The following TMTC1 variants were observed in gnomAD, a reference collection of about 807,000 sequenced individuals.
TMTC1 encodes the protein transmembrane O-mannosyltransferase targeting cadherins 1.
TMTC1 carries 73 observed loss-of-function variants against 104.8 expected under a neutral mutation model. That is an observed-to-expected ratio of 0.70 (90% confidence interval 0.58 to 0.85). The LOEUF is 0.85. Among genes scored for constraint, TMTC1 ranks in the 40% least tolerant of loss-of-function variants. The pLI, the probability that TMTC1 is intolerant of heterozygous loss-of-function variation, is 0.00. For synonymous variants in TMTC1, 434 were observed against 428.7 expected, an observed-to-expected ratio of 1.01 and a Z score of -0.15; for missense variants, 1,035 against 1,096.1, an observed-to-expected ratio of 0.94 and a Z score of 0.79.
rs114638306 is a variant in TMTC1 at position 29,697,356 on chromosome 12, A to G, written c.938+54310T>C. Among the ~76,000 whole-genome samples the G allele has an allele frequency of 3.6e-3, 549 of 152,318 alleles. 5 individuals carry two copies. Among genetic ancestry groups the G allele is most frequent in the African/African-American group, 0.013 (533 of 41,566 alleles). Reference sequence around the variant, plus strand: ...GCTTCTTTCTTCATTCCCGGTGTCTACTATGATAACCTCTCACAACTCAGA... The same window carrying G: ...GCTTCTTTCTTCATTCCCGGTGTCTGCTATGATAACCTCTCACAACTCAGA... On this transcript the variant is annotated intron_variant, in intron 5 of 17. Transcript: ENST00000539277.
intron 11 of TMTC1, chr12:29,533,458 T>G (rs922715369): frequency 3.3e-5 from 5 of 152,150 alleles, no homozygotes; most frequent in African/African-American, 1.2e-4. Flanking sequence ...CAGCCTTACA[T>G]CAGGGGAAGG....
At chr12:29,755,657 T>G in intron 4 of TMTC1, 52 bp downstream of exon 4, 1 of 1,438,632 alleles carries the variant, frequency 7.0e-7, no homozygotes. Context: ...ATTAAGTAAT[T>G]TTTCTCTGCC....
At chr12:29,638,196 C>T (rs1938651596) in intron 5 of TMTC1, among the ~76,000 whole-genome samples, 1 of 152,096 alleles carries the variant, frequency 6.6e-6, no homozygotes, top group South Asian at 2.1e-4. Flanking sequence ...CCCCTCTGGC[C>T]CACCATGACC....
chr12:29,708,023 C>T (rs1269842787), intron 5 of TMTC1, among the ~76,000 whole-genome samples: 2 of 152,182 alleles, frequency 1.3e-5, no homozygotes, highest in Non-Finnish European at 2.9e-5. Flanking sequence ...TCTGAGGAGA[C>T]ACAAGATGTC....
At chr12:29,731,441 A>G (rs1942543278) in intron 5 of TMTC1, among the ~76,000 whole-genome samples, 1 of 152,202 alleles carries the variant, frequency 6.6e-6, no homozygotes, top group South Asian at 2.1e-4. Context: ...TATGCCCACA[A>G]TGCACGGCCG....
chr12:29,752,082 G>C (rs1450525934), intron 4 of TMTC1, among the ~76,000 whole-genome samples: 1 of 151,428 alleles, frequency 6.6e-6, no homozygotes, highest in Non-Finnish European at 1.5e-5. Context: ...TTATCGTATT[G>C]ACCTAGTATA....
chr12:29,525,158 C>CTTTT (rs56395403), intron 11 of TMTC1, among the ~76,000 whole-genome samples: 1 of 46,132 alleles, frequency 2.2e-5, no homozygotes, highest in East Asian at 7.1e-4. Context: ...CAAGGGCAGT[C>CTTTT]TTTTTTTTTT....
chr12:29,627,121 A>C (rs1938041681), intron 6 of TMTC1, among the ~76,000 whole-genome samples: 1 of 152,176 alleles, frequency 6.6e-6, no homozygotes, highest in South Asian at 2.1e-4. Flanking sequence ...AAAAAATAAA[A>C]AATAAAAACT....
chr12:29,658,557 C>A, intron 5 of TMTC1: 1 of 174,640 alleles, frequency 5.7e-6, no homozygotes, highest in East Asian at 1.6e-4. Flanking sequence ...GAATCTTGCC[C>A]TGAACTTGTT....
intron 6 of TMTC1, among the ~76,000 whole-genome samples, chr12:29,616,033 T>A (rs2136442997): frequency 6.6e-6 from 1 of 152,294 alleles, no homozygotes; most frequent in South Asian, 2.1e-4. Context: ...CAAATAAGTT[T>A]GAGGAATGCC....
chr12:29,610,339 A>G (rs1946813723), intron 6 of TMTC1, among the ~76,000 whole-genome samples: 1 of 152,212 alleles, frequency 6.6e-6, no homozygotes. Flanking sequence ...CCGAGGCTAT[A>G]AGAAATTTAA....
intron 9 of TMTC1, among the ~76,000 whole-genome samples, chr12:29,571,180 A>G (rs10160943): frequency 0.035 from 5,308 of 152,260 alleles, 280 homozygotes; most frequent in African/African-American, 0.12. Flanking sequence ...AAACCTCTTC[A>G]AAGGCTTCTG....
intron 5 of TMTC1, among the ~76,000 whole-genome samples, chr12:29,707,986 G>C (rs1394936029): frequency 6.6e-6 from 1 of 152,198 alleles, no homozygotes; most frequent in Non-Finnish European, 1.5e-5. Context: ...AAGACATGTA[G>C]TGAACCCCTG....
intron 5 of TMTC1, among the ~76,000 whole-genome samples, chr12:29,648,128 T>A (rs78139035): frequency 6.6e-6 from 1 of 152,190 alleles, no homozygotes; most frequent in African/African-American, 2.4e-5. Context: ...AAATGACACT[T>A]TTCTGACAGG....
At chr12:29,729,594 AGGACTCTTGCTTCCCAGGTTATGGGT>A (rs1942492757) in intron 5 of TMTC1, among the ~76,000 whole-genome samples, 1 of 152,162 alleles carries the variant, frequency 6.6e-6, no homozygotes, top group Non-Finnish European at 1.5e-5. Flanking sequence ...TGACTTCTGC[AGGACTCTTGCTTCCCAGGTTATGGGT>A]GATAACAGTT....
At chr12:29,528,387 G>A (rs1031091219) in intron 11 of TMTC1, among the ~76,000 whole-genome samples, 7 of 152,112 alleles carry the variant, frequency 4.6e-5, no homozygotes, top group Non-Finnish European at 8.8e-5. Context: ...CTGCGAAATT[G>A]GCCTTCGAGG....
At chr12:29,708,131 C>G (rs1476008887) in intron 5 of TMTC1, among the ~76,000 whole-genome samples, 7 of 152,174 alleles carry the variant, frequency 4.6e-5, no homozygotes, top group Non-Finnish European at 1.0e-4. Context: ...AAGCCTTGAC[C>G]TCCAGAAGGA....
intron 6 of TMTC1, among the ~76,000 whole-genome samples, chr12:29,632,292 T>C (rs1938338676): frequency 6.6e-6 from 1 of 152,198 alleles, no homozygotes; most frequent in Non-Finnish European, 1.5e-5. Flanking sequence ...AAGCAAACAT[T>C]TTCAAGTTCT....
intron 5 of TMTC1, among the ~76,000 whole-genome samples, chr12:29,695,823 ATATAT>A (rs1941407532): frequency 6.3e-5 from 6 of 95,312 alleles, no homozygotes; most frequent in African/African-American, 2.3e-4. Context: ...ATATATATAT[ATATAT>A]AACCTGTCTT....
Sources: gnomAD v4.1 joint callset for allele counts (sites outside exome capture counted in the v4.1 genomes callset) on GRCh38, gnomAD v4.1.1 for gene constraint, MANE v1.5 for transcripts, NCBI Gene and HGNC (gene_info 2026-07-23, HGNC 2026-07-21) for gene names.